Variants in RBFOX2 observed in about 807,000 individuals in gnomAD.
RBFOX2 encodes the protein RNA binding fox-1 homolog 2.
RBFOX2 carries 10 observed loss-of-function variants against 49.1 expected under a neutral mutation model. The observed-to-expected ratio is 0.20, with a 90% CI of 0.13 to 0.35. RBFOX2 has a LOEUF of 0.35. RBFOX2 is among the 10% of genes least tolerant of loss of function. The probability of loss-of-function intolerance (pLI) is 1.00; values close to 1 mark genes in which losing one functional copy is unlikely to be tolerated. For synonymous variants in RBFOX2, 183 were observed against 187.4 expected (o/e 0.98, Z 0.19); for missense variants, 323 against 486.9 (o/e 0.66, Z 3.17).
intron 1 of RBFOX2, among the ~76,000 whole-genome samples, chr22:35,821,380 T>C (rs926371262): frequency 6.6e-6 from 1 of 151,952 alleles, no homozygotes; most frequent in African/African-American, 2.4e-5. Flanking sequence ...GGTGGGCGGA[T>C]CACCTGAGGT....
chr22:35,973,996 A>G (rs1235239198), intron 1 of RBFOX2, among the ~76,000 whole-genome samples: 1 of 152,210 alleles, frequency 6.6e-6, no homozygotes, highest in Non-Finnish European at 1.5e-5. Flanking sequence ...CAGCAGGGTC[A>G]CATTTCCTCC....
intron 1 of RBFOX2, among the ~76,000 whole-genome samples, chr22:35,882,059 G>T (rs2045977651): frequency 6.6e-6 from 1 of 152,086 alleles, no homozygotes; most frequent in Admixed American, 6.6e-5. Context: ...ATTTTACCCG[G>T]CTGGTAAAAC....
At chr22:35,807,097 C>A (rs1463975313) in intron 2 of RBFOX2, among the ~76,000 whole-genome samples, 1 of 152,342 alleles carries the variant, frequency 6.6e-6, no homozygotes, top group East Asian at 1.9e-4. Context: ...AGCCACCCCA[C>A]CTGGCCCTTT....
At chr22:35,910,453 C>A (rs1056087350) in intron 1 of RBFOX2, among the ~76,000 whole-genome samples, 4 of 152,266 alleles carry the variant, frequency 2.6e-5, no homozygotes, top group South Asian at 2.1e-4. Flanking sequence ...GACAGGCAGA[C>A]AGATGCCAAG....
intron 1 of RBFOX2, among the ~76,000 whole-genome samples, chr22:36,016,198 C>T (rs1168656557): frequency 6.6e-6 from 1 of 151,976 alleles, no homozygotes; most frequent in Non-Finnish European, 1.5e-5. Context: ...TGGGAAAAAG[C>T]TTCTTAAAAG....
intron 1 of RBFOX2, among the ~76,000 whole-genome samples, chr22:35,906,270 G>A (rs1205938506): frequency 6.6e-6 from 1 of 152,140 alleles, no homozygotes; most frequent in Non-Finnish European, 1.5e-5. Context: ...AAGACACTGG[G>A]AACTCAAGAC....
At chr22:35,912,937 A>G (rs1244506473) in intron 1 of RBFOX2, among the ~76,000 whole-genome samples, 2 of 152,246 alleles carry the variant, frequency 1.3e-5, no homozygotes, top group Admixed American at 1.3e-4. Flanking sequence ...CAACAAATGC[A>G]GAATTAAGAT....
At chr22:36,005,541 T>C (rs188986579) in intron 1 of RBFOX2, among the ~76,000 whole-genome samples, 1 of 152,314 alleles carries the variant, frequency 6.6e-6, no homozygotes, top group Admixed American at 6.5e-5. Context: ...CAACAGAAGA[T>C]AAAAGCTTTA....
chr22:35,830,289 G>A (rs1014127137), intron 1 of RBFOX2, among the ~76,000 whole-genome samples: 1 of 152,328 alleles, frequency 6.6e-6, no homozygotes, highest in East Asian at 1.9e-4. Context: ...TACCATATAA[G>A]CTAAACGAAC....
At chr22:36,024,966 C>G (rs370126810) in intron 1 of RBFOX2, among the ~76,000 whole-genome samples, 1 of 151,888 alleles carries the variant, frequency 6.6e-6, no homozygotes, top group African/African-American at 2.4e-5. Flanking sequence ...TGCCACCACG[C>G]CTGGCTAATT....
Position 35,765,203 on chromosome 22 carries a change from T to C in RBFOX2, c.607+220A>G, listed in dbSNP as rs188319560. On this transcript the variant is annotated intron_variant, in intron 6 of 11. Coordinates refer to ENST00000405409, the Ensembl canonical transcript of RBFOX2. ...TAGCATGTTTGCACTGTGTAAAAGA[T>C]GAACATTACTTAGAACATAACACCT... Among the ~76,000 whole-genome samples the C allele has an allele frequency of 3.8e-3, 568 of 150,650 alleles. 7 individuals carry two copies. The highest frequency in any genetic ancestry group is 0.013 in the African/African-American group (544 of 40,878).
At chr22:35,998,027 G>A (rs936459170) in intron 1 of RBFOX2, 1 of 151,948 alleles carries the variant, frequency 6.6e-6, no homozygotes, top group Non-Finnish European at 1.5e-5. Context: ...TGACATCTTT[G>A]TTAAAAAGAT....
At chr22:35,935,510 T>G (rs2052956412) in intron 1 of RBFOX2, among the ~76,000 whole-genome samples, 1 of 152,172 alleles carries the variant, frequency 6.6e-6, no homozygotes, top group Non-Finnish European at 1.5e-5. Flanking sequence ...CAATGTGCTA[T>G]TGGGACTGTA....
intron 1 of RBFOX2, among the ~76,000 whole-genome samples, chr22:36,022,935 G>A (rs1272580861): frequency 6.6e-6 from 1 of 152,130 alleles, no homozygotes; most frequent in Non-Finnish European, 1.5e-5. Context: ...CCAAAACTGT[G>A]AGAAATAAAT....
Position 35,804,925 on chromosome 22 carries a change from C to T in RBFOX2, c.252+4855G>A, listed in dbSNP as rs12160756. Among the ~76,000 whole-genome samples the T allele has an allele frequency of 3.2e-3, 492 of 152,148 alleles. 3 individuals carry two copies. Among genetic ancestry groups the T allele is most frequent in the South Asian group, 0.024 (117 of 4,812 alleles). On this transcript the variant is annotated intron_variant, in intron 2 of 11. Transcript: ENST00000405409. ...TACTTGGAAAAGACTTATCTGATAA[C>T]GGACTGTTATCCAAAATATACAAAG...
At chr22:35,852,436 G>C (rs1194876149) in intron 1 of RBFOX2, among the ~76,000 whole-genome samples, 1 of 150,934 alleles carries the variant, frequency 6.6e-6, no homozygotes, top group Non-Finnish European at 1.5e-5. Context: ...AGGATCATTT[G>C]GGCCAGGAGT....
chr22:35,824,368 T>C (rs1186781389), intron 1 of RBFOX2: 2 of 152,146 alleles, frequency 1.3e-5, no homozygotes, highest in Admixed American at 1.3e-4. Context: ...ATGAATGCAA[T>C]AGTAGCCAAG....
intron 1 of RBFOX2, among the ~76,000 whole-genome samples, chr22:35,991,719 C>G (rs956594662): frequency 6.6e-6 from 1 of 152,134 alleles, no homozygotes; most frequent in Non-Finnish European, 1.5e-5. Context: ...CCAAAGCAAA[C>G]AAGAAAACTC....
chr22:35,923,632 A>T (rs1270662849), intron 1 of RBFOX2, among the ~76,000 whole-genome samples: 1 of 152,140 alleles, frequency 6.6e-6, no homozygotes, highest in Admixed American at 6.5e-5. Flanking sequence ...ATTTTATGCC[A>T]CTTATTACCA....
Sources: allele counts gnomAD v4.1 joint callset (sites outside exome capture counted in the v4.1 genomes callset), GRCh38; gene constraint gnomAD v4.1.1; transcripts MANE v1.5; gene names NCBI Gene and HGNC (gene_info 2026-07-23, HGNC 2026-07-21).